The following MKLN1 variants were observed in gnomAD, a reference collection of about 807,000 sequenced individuals.
MKLN1 encodes the protein muskelin 1.
Under a neutral mutation model 99.0 loss-of-function variants are expected in MKLN1, and 18 were observed. The observed-to-expected ratio is 0.18, with a 90% CI of 0.13 to 0.27. The LOEUF (loss-of-function observed/expected upper bound fraction) is 0.27, where lower values mean the gene tolerates loss of function less well. Among genes scored for constraint, MKLN1 ranks in the 10% least tolerant of loss-of-function variants. MKLN1 has a pLI of 1.00. For synonymous variants in MKLN1, 288 were observed against 293.2 expected (o/e 0.98, Z 0.18); for missense variants, 621 against 875.9 (o/e 0.71, Z 3.67).
intron 3 of MKLN1, among the ~76,000 whole-genome samples, chr7:131,273,531 G>A (rs1048018336): frequency 6.6e-6 from 1 of 152,142 alleles, no homozygotes; most frequent in Non-Finnish European, 1.5e-5. Context: ...CGCAAAGAGG[G>A]ACTGTGGTTC....
At chr7:131,219,958 A>G (rs763477610) in intron 3 of MKLN1, among the ~76,000 whole-genome samples, 4 of 152,122 alleles carry the variant, frequency 2.6e-5, no homozygotes, top group Non-Finnish European at 4.4e-5. Flanking sequence ...TCAGAAACCA[A>G]CATCCCACAA....
chr7:131,173,838 CA>C (rs1796251224), intron 2 of MKLN1, among the ~76,000 whole-genome samples: 1 of 152,040 alleles, frequency 6.6e-6, no homozygotes, highest in South Asian at 2.1e-4. Flanking sequence ...ATTAAAAAAA[CA>C]AATCAAAACA....
intron 16 of MKLN1, among the ~76,000 whole-genome samples, chr7:131,472,695 A>C (rs549273367): frequency 4.6e-4 from 70 of 152,208 alleles, no homozygotes; most frequent in Middle Eastern, 3.4e-3. Context: ...TCACGCCTGT[A>C]ATCCCAGCAC....
Position 131,114,846 on chromosome 7 carries a change from G to A in MKLN1, c.-419+4639G>A, listed in dbSNP as rs552584738. The stretch of plus-strand genomic sequence containing the variant: ...CAGCTACTCAGGAGCTGAGACACAA[G>A]AATCTCTTGAACCCAGGAGGCAGAG... On this transcript the variant is annotated intron_variant, in intron 1 of 7. Transcript: ENST00000416992. Among the ~76,000 whole-genome samples the A allele has an allele frequency of 2.0e-5, 3 of 151,618 alleles. No homozygotes were observed. In the East Asian group the frequency reaches 5.8e-4, roughly 29 times the overall value.
intron 10 of MKLN1, among the ~76,000 whole-genome samples, chr7:131,442,268 C>T (rs1434277716): frequency 6.6e-6 from 1 of 152,118 alleles, no homozygotes; most frequent in East Asian, 1.9e-4. Flanking sequence ...ATGAAAATAG[C>T]CAGGCACGGT....
chr7:131,174,962 GATAGAT>G, intron 2 of MKLN1, among the ~76,000 whole-genome samples: 1 of 16,930 alleles, frequency 5.9e-5, no homozygotes, highest in Non-Finnish European at 1.2e-4. Flanking sequence ...ATGATAGATA[GATAGAT>G]AGATAGATAG....
intron 2 of MKLN1, among the ~76,000 whole-genome samples, chr7:131,155,891 A>C: frequency 6.6e-6 from 1 of 152,212 alleles, no homozygotes; most frequent in East Asian, 1.9e-4. Context: ...CAAAACCAAA[A>C]ATAATTGTCG....
At chr7:131,354,474 G>T (rs2116775910) in intron 1 of MKLN1, among the ~76,000 whole-genome samples, 1 of 149,926 alleles carries the variant, frequency 6.7e-6, no homozygotes, top group East Asian at 2.0e-4. Context: ...CTTATATCCT[G>T]CAACGTTGCT....
intron 3 of MKLN1, among the ~76,000 whole-genome samples, chr7:131,268,549 G>T (rs1797841187): frequency 2.6e-5 from 4 of 152,132 alleles, no homozygotes; most frequent in African/African-American, 7.2e-5. Flanking sequence ...TCCATCTTGG[G>T]GCTCTGTCTT....
chr7:131,449,503 G>T (rs1030740164), intron 12 of MKLN1, among the ~76,000 whole-genome samples: 3 of 152,104 alleles, frequency 2.0e-5, no homozygotes, highest in African/African-American at 4.8e-5. Flanking sequence ...TGTTTACTGA[G>T]GATTTTTATG....
At chr7:131,178,939 T>C (rs978458488) in intron 2 of MKLN1, among the ~76,000 whole-genome samples, 1 of 152,348 alleles carries the variant, frequency 6.6e-6, no homozygotes, top group South Asian at 2.1e-4. Flanking sequence ...ATTTTTACTG[T>C]GTATTATACT....
intron 1 of MKLN1, among the ~76,000 whole-genome samples, chr7:131,140,441 A>T (rs1014179592): frequency 6.6e-6 from 1 of 152,090 alleles, no homozygotes; most frequent in Admixed American, 6.6e-5. Flanking sequence ...TGTTTGGATC[A>T]TGGGGGTGGA....
At chr7:131,311,587 T>C (rs1798564821) in intron 3 of MKLN1, among the ~76,000 whole-genome samples, 1 of 152,238 alleles carries the variant, frequency 6.6e-6, no homozygotes, top group South Asian at 2.1e-4. Context: ...TTTTGGAAAA[T>C]ACTTAATTTT....
At chr7:131,289,192 CT>C (rs1798178962) in intron 3 of MKLN1, among the ~76,000 whole-genome samples, 1 of 152,198 alleles carries the variant, frequency 6.6e-6, no homozygotes, top group African/African-American at 2.4e-5. Context: ...GTCCCCACCC[CT>C]GGCCTAAATG....
At chr7:131,122,559 G>A (rs1795388974) in intron 1 of MKLN1, among the ~76,000 whole-genome samples, 1 of 152,116 alleles carries the variant, frequency 6.6e-6, no homozygotes, top group African/African-American at 2.4e-5. Flanking sequence ...TGATGGAAAC[G>A]GGGGCATCCA....
In MKLN1 at chr7:131,316,982, T is replaced by C. The variant is rs114521893; in HGVS notation, c.-178-58442T>C. ...GTGAAAAGACTAAACCTACGATTGA[T>C]TGGTGTATCTGAAAGTGATGGGGAG... On this transcript the variant is annotated intron_variant, in intron 3 of 7. Transcript: ENST00000416992. Among the ~76,000 whole-genome samples, 1,180 of 152,290 alleles carry C rather than the reference T, an allele frequency of 7.7e-3. 17 individuals are homozygous for C. The highest frequency in any genetic ancestry group is 0.027 in the African/African-American group (1,113 of 41,540).
chr7:131,217,835 A>G (rs1797006205), intron 3 of MKLN1, among the ~76,000 whole-genome samples: 1 of 152,232 alleles, frequency 6.6e-6, no homozygotes, highest in African/African-American at 2.4e-5. Flanking sequence ...GTGTCCAATG[A>G]CAGATTAATG....
chr7:131,488,570 C>T lies in MKLN1; in HGVS notation c.*842C>T, dbSNP rs938392695. The T allele has an allele frequency of 6.6e-6, 1 of 152,444 alleles. No homozygotes were observed. Among genetic ancestry groups the T allele is most frequent in the African/African-American group, 2.4e-5 (1 of 41,392 alleles). The allele number at this position is 152,444 out of a possible 1,614,324, so 9.4% of individuals were successfully genotyped here. ...GGAGGGATCTAGTAGTGAATAATAT[C>T]TTAATAGCAATTTTAGGAGAAAATG... On this transcript the variant is annotated 3_prime_UTR_variant, in exon 18 of 18. Transcript: ENST00000352689.
At chr7:131,128,347 G>T (rs563562520) in intron 1 of MKLN1, among the ~76,000 whole-genome samples, 1 of 152,284 alleles carries the variant, frequency 6.6e-6, no homozygotes, top group Admixed American at 6.5e-5. Flanking sequence ...GCTGAAAGTA[G>T]TGTAAGCATT....
Sources: gnomAD v4.1 joint callset for allele counts (sites outside exome capture counted in the v4.1 genomes callset) on GRCh38, gnomAD v4.1.1 for gene constraint, MANE v1.5 for transcripts, NCBI Gene and HGNC (gene_info 2026-07-23, HGNC 2026-07-21) for gene names.